The following SGMS2 variants were observed in gnomAD, a reference collection of about 807,000 sequenced individuals.
The protein encoded by SGMS2 is phosphatidylcholine:ceramide cholinephosphotransferase 2.
In SGMS2, 21 loss-of-function variants were observed where a neutral mutation model predicts 43.8. The observed-to-expected ratio is 0.48, with a 90% confidence interval of 0.34 to 0.69. The LOEUF is 0.69. Ranked by LOEUF, SGMS2 falls within the 30% of genes least tolerant of loss-of-function variation. SGMS2 has a pLI of 0.01. For synonymous variants in SGMS2, 167 were observed against 160.6 expected (o/e 1.04, Z -0.30); for missense variants, 384 against 443.2 (o/e 0.87, Z 1.20).
chr4:107,891,991 TC>T, intron 2 of SGMS2, among the ~76,000 whole-genome samples: 1 of 152,084 alleles, frequency 6.6e-6, no homozygotes, highest in Non-Finnish European at 1.5e-5. Flanking sequence ...TTCAGGCTGC[TC>T]TTCATTAGAC....
In SGMS2 at chr4:107,828,305, T is replaced by C. The variant is rs890597318; in HGVS notation, c.-327+3052T>C. 2.0e-5 allele frequency among the ~76,000 whole-genome samples: 3 copies of C among 152,310 alleles called. No homozygotes were observed. The East Asian group carries it at 5.8e-4, about 29-fold the overall frequency. On this transcript the variant is annotated intron_variant, in intron 1 of 6. Coordinates refer to ENST00000690982, the MANE Select transcript of SGMS2 (RefSeq NM_001375905.1). ...ACAGTTGCTTTATACATCAAATCTC[T>C]TGTAATCCCCACTCCAACCCGGTGA...
At chr4:107,877,913 C>CTTTTTTTTTTTTTT (rs774442653) in intron 2 of SGMS2, among the ~76,000 whole-genome samples, 34 of 102,186 alleles carry the variant, frequency 3.3e-4, no homozygotes, top group African/African-American at 8.6e-4. Context: ...TTTTTCTTTT[C>CTTTTTTTTTTTTTT]TTTTTTTTTT....
At chr4:107,844,736 T>TAATTTTAGATTCTAAAATGAACC (rs1325202246) in intron 1 of SGMS2, among the ~76,000 whole-genome samples, 9 of 152,204 alleles carry the variant, frequency 5.9e-5, no homozygotes, top group Admixed American at 1.3e-4. Flanking sequence ...CATTAAGACT[T>TAATTTTAGATTCTAAAATGAACC]AATTTTAGAT....
intron 1 of SGMS2, among the ~76,000 whole-genome samples, chr4:107,834,731 A>G (rs1230633067): frequency 3.3e-5 from 5 of 152,214 alleles, no homozygotes; most frequent in Non-Finnish European, 5.9e-5. Context: ...CACAGTGTCA[A>G]CTTCTGAAAT....
At chr4:107,830,433 T>C (rs1725827155) in intron 1 of SGMS2, among the ~76,000 whole-genome samples, 2 of 152,182 alleles carry the variant, frequency 1.3e-5, no homozygotes. Flanking sequence ...AGTTCTGTTC[T>C]AAGTTCTTTG....
intron 4 of SGMS2, among the ~76,000 whole-genome samples, chr4:107,901,062 T>G (rs528856356): frequency 2.0e-4 from 30 of 152,288 alleles, no homozygotes; most frequent in Admixed American, 7.2e-4. Flanking sequence ...TGAATTGCTA[T>G]GATTACAGAA....
chr4:107,843,435 A>G (rs1726633569), intron 1 of SGMS2, among the ~76,000 whole-genome samples: 1 of 152,216 alleles, frequency 6.6e-6, no homozygotes, highest in South Asian at 2.1e-4. Context: ...GTTTCTTAAT[A>G]TGGAATTTGG....
chr4:107,876,297 C>T (rs17038165), intron 2 of SGMS2, among the ~76,000 whole-genome samples: 2,744 of 152,192 alleles, frequency 0.018, 88 homozygotes, highest in African/African-American at 0.063. Context: ...GAGTAAACTT[C>T]CTGTTCTTAG....
chr4:107,903,164 A>G, intron 4 of SGMS2, 69 bp from the exon 5 acceptor site: 1 of 1,476,564 alleles, frequency 6.8e-7, no homozygotes, highest in Non-Finnish European at 9.5e-7. Context: ...TCTAAGAGTC[A>G]CACAATTAGA....
At chr4:107,861,332 G>C (rs1198163265) in intron 2 of SGMS2, among the ~76,000 whole-genome samples, 1 of 152,148 alleles carries the variant, frequency 6.6e-6, no homozygotes, top group Admixed American at 6.5e-5. Context: ...GTTATCTGCT[G>C]GCAATTTGAT....
chr4:107,836,384 T>G (rs1726175499), intron 1 of SGMS2, among the ~76,000 whole-genome samples: 1 of 152,244 alleles, frequency 6.6e-6, no homozygotes, highest in African/African-American at 2.4e-5. Context: ...AGCACACTGG[T>G]TCCAGTGTCT....
At chr4:107,905,715 A>G (rs930878481) in intron 5 of SGMS2, among the ~76,000 whole-genome samples, 13 of 152,224 alleles carry the variant, frequency 8.5e-5, no homozygotes, top group African/African-American at 3.1e-4. Context: ...AACTTTGGAA[A>G]TTCAAGCTGG....
intron 2 of SGMS2, among the ~76,000 whole-genome samples, chr4:107,873,708 G>A (rs1560651866): frequency 6.6e-6 from 1 of 151,986 alleles, no homozygotes; most frequent in Non-Finnish European, 1.5e-5. Context: ...ACGATTTACT[G>A]TTGCCACAGT....
intron 1 of SGMS2, among the ~76,000 whole-genome samples, chr4:107,845,289 G>T (rs1726748350): frequency 6.6e-6 from 1 of 152,176 alleles, no homozygotes; most frequent in Non-Finnish European, 1.5e-5. Flanking sequence ...CTGGAAGCAG[G>T]AAACAAGAAA....
chr4:107,868,439 A>G (rs1285540816), intron 2 of SGMS2, among the ~76,000 whole-genome samples: 1 of 152,100 alleles, frequency 6.6e-6, no homozygotes, highest in Admixed American at 6.6e-5. Context: ...GCTGCCCGCC[A>G]GGTGTGGTGG....
intron 2 of SGMS2, chr4:107,874,055 A>G (rs1335667729): frequency 6.6e-6 from 1 of 152,202 alleles, no homozygotes; most frequent in African/African-American, 2.4e-5. Context: ...CAGCTTGGAT[A>G]CATTGGAACT....
At chr4:107,871,872 T>C (rs1244830461) in intron 2 of SGMS2, among the ~76,000 whole-genome samples, 2 of 152,260 alleles carry the variant, frequency 1.3e-5, no homozygotes, top group African/African-American at 4.8e-5. Context: ...GTTTTTATTC[T>C]TCCTCTGCTT....
At chr4:107,871,101 T>G (rs1312142656) in intron 2 of SGMS2, among the ~76,000 whole-genome samples, 1 of 152,192 alleles carries the variant, frequency 6.6e-6, no homozygotes, top group Non-Finnish European at 1.5e-5. Flanking sequence ...TTGATCATAG[T>G]TCACTCCCAT....
intron 2 of SGMS2, among the ~76,000 whole-genome samples, chr4:107,879,958 A>G (rs1578595156): frequency 6.6e-6 from 1 of 152,196 alleles, no homozygotes; most frequent in African/African-American, 2.4e-5. Context: ...GCATTCTCAG[A>G]TAACCACTAA....
Sources: allele counts gnomAD v4.1 joint callset (sites outside exome capture counted in the v4.1 genomes callset), GRCh38; gene constraint gnomAD v4.1.1; transcripts MANE v1.5; gene names NCBI Gene and HGNC (gene_info 2026-07-23, HGNC 2026-07-21).